SPRED1: variants seen among roughly 807,000 people sequenced by gnomAD.
The protein encoded by SPRED1 is sprouty related EVH1 domain containing 1.
SPRED1 carries 18 observed loss-of-function variants against 52.3 expected under a neutral mutation model. The ratio of observed to expected loss-of-function variants is 0.34; its 90% CI spans 0.24 to 0.51. The LOEUF (loss-of-function observed/expected upper bound fraction) is 0.51. Among genes scored for constraint, SPRED1 ranks in the 20% least tolerant of loss-of-function variants. The pLI is 0.97. For missense variants in SPRED1, 485 were observed against 551.0 expected (o/e 0.88, Z 1.20); for synonymous variants, 155 against 179.7 (o/e 0.86, Z 1.10).
At chr15:38,311,670 G>A (rs989072994) in intron 2 of SPRED1, among the ~76,000 whole-genome samples, 6 of 151,808 alleles carry the variant, frequency 4.0e-5, no homozygotes, top group African/African-American at 1.2e-4. Flanking sequence ...TTAAATAATC[G>A]GTCAATTTCT....
At chr15:38,271,995 C>T (rs1015992473) in intron 1 of SPRED1, among the ~76,000 whole-genome samples, 1 of 152,118 alleles carries the variant, frequency 6.6e-6, no homozygotes, top group African/African-American at 2.4e-5. Flanking sequence ...CTTGTAAGAA[C>T]AGTGGTATTT....
intron 1 of SPRED1, among the ~76,000 whole-genome samples, chr15:38,292,243 C>T (rs1206191654): frequency 6.6e-6 from 1 of 152,200 alleles, no homozygotes; most frequent in Non-Finnish European, 1.5e-5. Flanking sequence ...ACCACCTCAT[C>T]CTGGACCTTA....
At chr15:38,253,519 G>C (rs1381284721) in intron 1 of SPRED1, among the ~76,000 whole-genome samples, 1 of 152,128 alleles carries the variant, frequency 6.6e-6, no homozygotes, top group African/African-American at 2.4e-5. Context: ...CCCTTTGCCT[G>C]TGAGACCCCT....
intron 4 of SPRED1, among the ~76,000 whole-genome samples, chr15:38,339,376 T>G (rs1895985737): frequency 6.6e-6 from 1 of 152,138 alleles, no homozygotes; most frequent in African/African-American, 2.4e-5. Context: ...AAACATAGAT[T>G]TGTGTTTTCT....
intron 1 of SPRED1, among the ~76,000 whole-genome samples, chr15:38,284,033 A>G (rs2056501): frequency 0.45 from 67,741 of 152,028 alleles, 15,874 homozygotes; most frequent in Non-Finnish European, 0.53. Flanking sequence ...TACTTCTGCT[A>G]CTAAGAGATA....
chr15:38,273,397 A>C (rs1894479783), intron 1 of SPRED1, among the ~76,000 whole-genome samples: 1 of 151,882 alleles, frequency 6.6e-6, no homozygotes, highest in Non-Finnish European at 1.5e-5. Flanking sequence ...GTATGGCATG[A>C]TAGATTGTGT....
chr15:38,308,692 GAGT>G (rs2140985124), intron 2 of SPRED1, among the ~76,000 whole-genome samples: 1 of 152,230 alleles, frequency 6.6e-6, no homozygotes, highest in African/African-American at 2.4e-5. Flanking sequence ...TTTTATTGTT[GAGT>G]AGTAGTCTGT....
At chr15:38,321,372 C>T (rs569793014) in intron 2 of SPRED1, among the ~76,000 whole-genome samples, 3 of 152,142 alleles carry the variant, frequency 2.0e-5, no homozygotes, top group East Asian at 1.9e-4. Context: ...AAGCTCTTAA[C>T]ATGAATGCAC....
intron 1 of SPRED1, among the ~76,000 whole-genome samples, chr15:38,282,675 T>C (rs926918038): frequency 1.5e-4 from 23 of 152,186 alleles, no homozygotes; most frequent in African/African-American, 3.1e-4. Context: ...AAAATTCTTA[T>C]CTATGCCCAT....
At chr15:38,343,317 C>G (rs956240658) in intron 5 of SPRED1, among the ~76,000 whole-genome samples, 1 of 151,780 alleles carries the variant, frequency 6.6e-6, no homozygotes, top group East Asian at 1.9e-4. Flanking sequence ...TAGAGGGGTG[C>G]AGGGTCAAGA....
rs1458040449 is a variant in SPRED1, at chr15:38,352,234, T to C, written c.*570T>C. Reference sequence around the variant, plus strand: ...AAACTTTTCTTCCCCTTCCTAGTTCTGAAGTAGATATATATATATATATAT... The same window carrying C: ...AAACTTTTCTTCCCCTTCCTAGTTCCGAAGTAGATATATATATATATATAT... On this transcript the variant is annotated 3_prime_UTR_variant, in exon 7 of 7. Coordinates refer to ENST00000299084, the MANE Select transcript of SPRED1 (RefSeq NM_152594.3). The C allele has an allele frequency of 6.6e-6, 1 of 151,024 alleles. No individual in the cohort carries two copies. The highest frequency in any genetic ancestry group is 2.5e-5 in the African/African-American group (1 of 39,582). 9.4% of individuals were successfully genotyped at this position (151,024 alleles called of 1,614,324 possible).
chr15:38,311,590 T>G (rs1490343521), intron 2 of SPRED1, among the ~76,000 whole-genome samples: 4 of 152,202 alleles, frequency 2.6e-5, no homozygotes, highest in African/African-American at 9.6e-5. Flanking sequence ...CAAATTCAGT[T>G]TCTTTAATTG....
At chr15:38,279,343 A>C (rs1355741639) in intron 1 of SPRED1, among the ~76,000 whole-genome samples, 1 of 152,252 alleles carries the variant, frequency 6.6e-6, no homozygotes, top group African/African-American at 2.4e-5. Context: ...AGTATGAGTC[A>C]AAGGCCATGA....
chr15:38,256,777 T>TG (rs1351150437), intron 1 of SPRED1, among the ~76,000 whole-genome samples: 1 of 152,062 alleles, frequency 6.6e-6, no homozygotes, highest in Non-Finnish European at 1.5e-5. Flanking sequence ...AAACATATGT[T>TG]CACCCCATAC....
intron 5 of SPRED1, among the ~76,000 whole-genome samples, chr15:38,347,634 CCT>C (rs1896170109): frequency 6.6e-6 from 1 of 151,688 alleles, no homozygotes; most frequent in African/African-American, 2.4e-5. Context: ...ATGATATATA[CCT>C]CTGTTTAGCT....
intron 1 of SPRED1, among the ~76,000 whole-genome samples, chr15:38,260,111 T>C (rs545325640): frequency 6.6e-6 from 1 of 152,332 alleles, no homozygotes; most frequent in Admixed American, 6.5e-5. Context: ...TTATTGCTGC[T>C]TTAACAACGT....
intron 2 of SPRED1, among the ~76,000 whole-genome samples, chr15:38,311,033 AC>A (rs1481289937): frequency 1.3e-5 from 2 of 152,174 alleles, no homozygotes; most frequent in Non-Finnish European, 2.9e-5. Context: ...TCAGATATTA[AC>A]CAAAACACAT....
At chr15:38,339,428 T>C (rs568887441) in intron 4 of SPRED1, among the ~76,000 whole-genome samples, 1 of 152,320 alleles carries the variant, frequency 6.6e-6, no homozygotes, top group East Asian at 1.9e-4. Context: ...TTATCACTTT[T>C]TATTATAGTT....
At chr15:38,343,657 T>C (rs990460065) in intron 5 of SPRED1, among the ~76,000 whole-genome samples, 3 of 152,082 alleles carry the variant, frequency 2.0e-5, no homozygotes, top group Non-Finnish European at 4.4e-5. Flanking sequence ...TCTCATACCA[T>C]AGCAAATACA....
Sources: gnomAD v4.1 joint callset for allele counts (sites outside exome capture counted in the v4.1 genomes callset) on GRCh38, gnomAD v4.1.1 for gene constraint, MANE v1.5 for transcripts, NCBI Gene and HGNC (gene_info 2026-07-23, HGNC 2026-07-21) for gene names.